ZNF723: variants seen among roughly 807,000 people sequenced by gnomAD.
The protein encoded by ZNF723 is zinc finger protein 723, pseudogene.
In ZNF723, 5 loss-of-function variants were observed where a neutral mutation model predicts 9.4. That is an observed-to-expected ratio of 0.53 (90% CI 0.28 to 1.12). The LOEUF (loss-of-function observed/expected upper bound fraction) is 1.12, where lower values mean the gene tolerates loss of function less well. Among genes scored for constraint, ZNF723 ranks in the 50% most tolerant of loss-of-function variants. The pLI, the probability that ZNF723 is intolerant of heterozygous loss-of-function variation, is 0.10. For missense variants in ZNF723, 450 were observed against 501.5 expected, an observed-to-expected ratio of 0.90 and a Z score of 0.98; for synonymous variants, 158 against 168.8, an observed-to-expected ratio of 0.94 and a Z score of 0.49.
intron 1 of ZNF723, among the ~76,000 whole-genome samples, chr19:22,834,773 G>A (rs1967144191): frequency 6.6e-6 from 1 of 151,942 alleles, no homozygotes; most frequent in African/African-American, 2.4e-5. Flanking sequence ...TCAGATGCTG[G>A]TACTGAGAGC....
At chr19:22,815,472 G>A in the ZNF723 span, among the ~76,000 whole-genome samples, 1 of 152,120 alleles carries the variant, frequency 6.6e-6, no homozygotes, top group Admixed American at 6.6e-5. Context: ...CTTTCAGGAG[G>A]GGATTGTACT....
chr19:22,814,054 C>T, the ZNF723 span, among the ~76,000 whole-genome samples: 7 of 152,030 alleles, frequency 4.6e-5, no homozygotes, highest in South Asian at 1.5e-3. Context: ...TCTTATGATC[C>T]GCCCACCTCG....
the ZNF723 span, among the ~76,000 whole-genome samples, chr19:22,817,779 A>AAT: frequency 3.9e-5 from 6 of 152,138 alleles, no homozygotes; most frequent in Non-Finnish European, 5.9e-5. Context: ...GAAATGAATA[A>AAT]ATCCTTAGGT....
At chr19:22,831,248 A>C (rs897443484), upstream of ZNF723, among the ~76,000 whole-genome samples, 3 of 152,018 alleles carry the variant, frequency 2.0e-5, no homozygotes, top group Non-Finnish European at 1.5e-5. Flanking sequence ...CTTGAATACT[A>C]CCTTTTTCTT....
the ZNF723 span, among the ~76,000 whole-genome samples, chr19:22,824,779 G>A: frequency 9.8e-5 from 15 of 152,296 alleles, 1 homozygote; most frequent in East Asian, 2.5e-3. Flanking sequence ...AGTTGGAATT[G>A]TGACTGGTAT....
At chr19:22,817,831 A>G in the ZNF723 span, among the ~76,000 whole-genome samples, 3 of 151,986 alleles carry the variant, frequency 2.0e-5, no homozygotes, top group Non-Finnish European at 2.9e-5. Flanking sequence ...CCACTGTCTC[A>G]CATGTCATAT....
intron 3 of ZNF723, among the ~76,000 whole-genome samples, chr19:22,853,878 T>C (rs1330173484): frequency 6.6e-6 from 1 of 152,172 alleles, no homozygotes; most frequent in African/African-American, 2.4e-5. Flanking sequence ...CCTCCCAAAC[T>C]GCTGGGATTA....
At chr19:22,854,663 T>G (rs1967447862) in intron 3 of ZNF723, among the ~76,000 whole-genome samples, 1 of 152,190 alleles carries the variant, frequency 6.6e-6, no homozygotes, top group African/African-American at 2.4e-5. Flanking sequence ...AAACATATAT[T>G]CTTTGTGGTA....
intron 1 of ZNF723, among the ~76,000 whole-genome samples, chr19:22,837,401 C>G (rs1967180739): frequency 6.6e-6 from 1 of 152,012 alleles, no homozygotes; most frequent in South Asian, 2.1e-4. Context: ...GGACTGAGCC[C>G]TGAACCAAGG....
chr19:22,853,802 C>T (rs1967430683), intron 3 of ZNF723, among the ~76,000 whole-genome samples: 4 of 152,018 alleles, frequency 2.6e-5, no homozygotes, highest in Admixed American at 2.6e-4. Context: ...TTAGTAGAGA[C>T]AGGGTTTCAC....
the ZNF723 span, among the ~76,000 whole-genome samples, chr19:22,821,292 T>C: frequency 2.0e-5 from 3 of 152,094 alleles, no homozygotes; most frequent in African/African-American, 7.2e-5. Flanking sequence ...GGGTAAAGCC[T>C]CAAAATGGAA....
the ZNF723 span, among the ~76,000 whole-genome samples, chr19:22,816,234 G>C: frequency 4.6e-5 from 7 of 152,188 alleles, no homozygotes; most frequent in Non-Finnish European, 1.0e-4. Flanking sequence ...TATACACCAA[G>C]CTGACAGTAA....
At chr19:22,853,231 T>C (rs931497404) in intron 3 of ZNF723, among the ~76,000 whole-genome samples, 2 of 152,122 alleles carry the variant, frequency 1.3e-5, no homozygotes, top group Non-Finnish European at 2.9e-5. Flanking sequence ...TCGTAATGTG[T>C]TTTGAAATCA....
chr19:22,856,122 G>A (rs983627034), intron 3 of ZNF723, among the ~76,000 whole-genome samples: 1 of 151,994 alleles, frequency 6.6e-6, no homozygotes, highest in African/African-American at 2.4e-5. Context: ...ACCACACCCA[G>A]CTAATTTTTT....
the ZNF723 span, among the ~76,000 whole-genome samples, chr19:22,824,204 C>T: frequency 6.6e-6 from 1 of 152,146 alleles, no homozygotes; most frequent in Admixed American, 6.5e-5. Flanking sequence ...CTGGGCCTTG[C>T]CCACAGTGGG....
At chr19:22,842,618 C>T (rs1234724145) in intron 1 of ZNF723, among the ~76,000 whole-genome samples, 2 of 152,164 alleles carry the variant, frequency 1.3e-5, no homozygotes, top group East Asian at 3.8e-4. Context: ...CCCAAATAAA[C>T]GGTCTACTTA....
chr19:22,826,923 A>C, the ZNF723 span, among the ~76,000 whole-genome samples: 1 of 152,252 alleles, frequency 6.6e-6, no homozygotes, highest in Non-Finnish European at 1.5e-5. Flanking sequence ...GTTGCCTCAT[A>C]ATATCAGAAA....
Position 22,849,249 on chromosome 19 carries a change from A to G in ZNF723, c.182A>G (p.Glu61Gly). 1.5e-6 allele frequency: 1 copy of G among 658,496 alleles called. No homozygotes were observed. The highest frequency in any genetic ancestry group is 2.1e-5 in the South Asian group (1 of 48,102). The allele number at this position is 658,496 out of a possible 1,614,324, so 40.8% of individuals were successfully genotyped here. A position where few individuals can be genotyped will look rare whatever the true frequency, so the allele number is the denominator to read the frequency against. ...DLITCLEQGK[E>G]PWNMKRHKMV... is the part of the protein sequence containing the mutation. Reference sequence around the variant, plus strand: ...ATCACCTGTCTGGAGCAAGGAAAAGAGCCCTGGAATATGAAGAGACACAAG... The same window carrying G: ...ATCACCTGTCTGGAGCAAGGAAAAGGGCCCTGGAATATGAAGAGACACAAG... The change falls in exon 3 of 4, where the codon GAG (glutamate) becomes GGG (glycine). Residue 61 changes from glutamate (E) to glycine (G), a missense_variant. This residue lies in a region of ZNF723 where 143 missense variants were observed against 101.3 expected (regional missense o/e 1.41). Transcript: ENST00000600766.
intron 1 of ZNF723, among the ~76,000 whole-genome samples, chr19:22,836,380 TAAAAA>T (rs201935561): frequency 6.6e-6 from 1 of 151,556 alleles, no homozygotes; most frequent in African/African-American, 2.4e-5. Flanking sequence ...CAGATTTATG[TAAAAA>T]AAAATTAAAT....
Sources: allele counts gnomAD v4.1 joint callset (sites outside exome capture counted in the v4.1 genomes callset), GRCh38; gene constraint gnomAD v4.1.1; regional missense constraint gnomAD v4.1.1; transcripts MANE v1.5; gene names NCBI Gene and HGNC (gene_info 2026-07-23, HGNC 2026-07-21).